Variants in ASIC2 observed in about 807,000 individuals in gnomAD.
ASIC2 encodes acid sensing ion channel subunit 2, also known as acid-sensing ion channel 2.
In ASIC2, 25 loss-of-function variants were observed where a neutral mutation model predicts 57.3. The ratio of observed to expected loss-of-function variants is 0.44; its 90% CI spans 0.32 to 0.61. The LOEUF (loss-of-function observed/expected upper bound fraction) is 0.61. ASIC2 is among the 20% of genes least tolerant of loss of function. The probability of loss-of-function intolerance (pLI) is 0.06; values close to 1 mark genes in which losing one functional copy is unlikely to be tolerated. For synonymous variants in ASIC2, 319 were observed against 307.5 expected, an observed-to-expected ratio of 1.04 and a Z score of -0.39; for missense variants, 641 against 738.1, an observed-to-expected ratio of 0.87 and a Z score of 1.52.
intron 1 of ASIC2, among the ~76,000 whole-genome samples, chr17:33,877,671 CACCTCTGGGGGCAGGGCACAGCCAA>C (rs1388361832): frequency 6.6e-6 from 1 of 152,226 alleles, no homozygotes; most frequent in Non-Finnish European, 1.5e-5. Context: ...CTGTAGACTC[CACCTCTGGGGGCAGGGCACAGCCAA>C]ACAAAAGGCA....
intron 1 of ASIC2, among the ~76,000 whole-genome samples, chr17:33,703,150 G>C (rs1908755399): frequency 6.6e-6 from 1 of 152,134 alleles, no homozygotes; most frequent in Non-Finnish European, 1.5e-5. Context: ...CCTTTGGTTT[G>C]TTTGAAGAAT....
intron 1 of ASIC2, among the ~76,000 whole-genome samples, chr17:33,937,425 CT>C (rs111454004): frequency 0.17 from 25,134 of 147,484 alleles, 2,216 homozygotes; most frequent in East Asian, 0.28. Flanking sequence ...AATCAGAGCT[CT>C]TTTTTTTTTT....
At chr17:33,673,217 C>A (rs988921978) in intron 1 of ASIC2, among the ~76,000 whole-genome samples, 5 of 152,014 alleles carry the variant, frequency 3.3e-5, no homozygotes, top group African/African-American at 1.2e-4. Flanking sequence ...TGACAACAGG[C>A]CTCAGGGAAG....
chr17:33,895,863 G>T (rs1049737492), intron 1 of ASIC2, among the ~76,000 whole-genome samples: 3 of 152,132 alleles, frequency 2.0e-5, no homozygotes, highest in African/African-American at 7.2e-5. Context: ...CATAAAACCA[G>T]AATTCAAATC....
chr17:33,142,202 A>G (rs1597600234), intron 1 of ASIC2, among the ~76,000 whole-genome samples: 1 of 152,182 alleles, frequency 6.6e-6, no homozygotes, highest in Non-Finnish European at 1.5e-5. Flanking sequence ...TTATCTTGGG[A>G]ATGGGGAAGG....
intron 1 of ASIC2, among the ~76,000 whole-genome samples, chr17:33,551,174 CT>C (rs1478386468): frequency 3.9e-5 from 6 of 152,142 alleles, no homozygotes; most frequent in Non-Finnish European, 1.5e-5. Context: ...GGTCGGATGT[CT>C]TTTCGGTGCT....
At chr17:33,408,993 C>G (rs561345473) in intron 1 of ASIC2, among the ~76,000 whole-genome samples, 3 of 152,084 alleles carry the variant, frequency 2.0e-5, no homozygotes, top group African/African-American at 7.2e-5. Context: ...GTGGGTGGAT[C>G]GTTTGAGCTC....
intron 1 of ASIC2, among the ~76,000 whole-genome samples, chr17:33,461,501 T>C (rs1912634613): frequency 6.6e-6 from 1 of 152,148 alleles, no homozygotes; most frequent in Non-Finnish European, 1.5e-5. Context: ...CTACTTGCTG[T>C]GTGATATGGT....
At chr17:33,872,951 G>T (rs1379672775) in intron 1 of ASIC2, among the ~76,000 whole-genome samples, 12 of 152,186 alleles carry the variant, frequency 7.9e-5, no homozygotes, top group African/African-American at 1.4e-4. Flanking sequence ...CAAGGGGAAA[G>T]GTGGGGACTG....
intron 1 of ASIC2, chr17:33,792,598 C>G (rs1433956705): frequency 6.6e-6 from 1 of 152,194 alleles, no homozygotes; most frequent in African/African-American, 2.4e-5. Flanking sequence ...ACTGTCACAA[C>G]TGGTGTTCTG....
At chr17:33,966,803 C>T (rs555378643) in intron 1 of ASIC2, among the ~76,000 whole-genome samples, 157 of 152,284 alleles carry the variant, frequency 1.0e-3, no homozygotes, top group Non-Finnish European at 1.3e-3. Flanking sequence ...AGTTGATTTC[C>T]GGCTCTGTTT....
At chr17:33,825,584 C>T (rs1912880608) in intron 1 of ASIC2, among the ~76,000 whole-genome samples, 1 of 152,226 alleles carries the variant, frequency 6.6e-6, no homozygotes, top group Admixed American at 6.5e-5. Context: ...AGAACTACCT[C>T]CTCTGAGGAT....
upstream of ASIC2, among the ~76,000 whole-genome samples, chr17:33,296,657 C>G (rs1328699136): frequency 6.6e-6 from 1 of 152,182 alleles, no homozygotes. Flanking sequence ...TGCCCTCATT[C>G]TGGGGTATAA....
chr17:33,886,756 A>T (rs1335915818), intron 1 of ASIC2, among the ~76,000 whole-genome samples: 1 of 152,066 alleles, frequency 6.6e-6, no homozygotes, highest in Non-Finnish European at 1.5e-5. Flanking sequence ...AAAATGGAGT[A>T]AATCCTTAGT....
In ASIC2 at chr17:33,292,257, C is replaced by T. The variant is rs1905514545; in HGVS notation, c.-142G>A. On this transcript the variant is annotated 5_prime_UTR_variant, in exon 1 of 10. Coordinates refer to ENST00000225823, the MANE Select transcript of ASIC2 (RefSeq NM_183377.2). Reference sequence around the variant, plus strand: ...GGAAGCGTGCGCCCGAAAGGAGCTCCGGTGGCGCGGCATGCCCGCCCGGCG... The same window carrying T: ...GGAAGCGTGCGCCCGAAAGGAGCTCTGGTGGCGCGGCATGCCCGCCCGGCG... The T allele has an allele frequency of 1.2e-5, 12 of 989,408 alleles. No individual in the cohort carries two copies. The South Asian group carries it at 4.3e-4, about 35-fold the overall frequency. The allele number at this position is 989,408 out of a possible 1,614,324, so 61.3% of individuals were successfully genotyped here.
intron 1 of ASIC2, among the ~76,000 whole-genome samples, chr17:33,762,424 C>T (rs180764085): frequency 1.2e-4 from 18 of 152,216 alleles, no homozygotes; most frequent in Non-Finnish European, 4.4e-5. Flanking sequence ...TGGTGTGCAG[C>T]AACTCACTTT....
chr17:34,100,707 C>T (rs1271562569), intron 1 of ASIC2, among the ~76,000 whole-genome samples: 1 of 152,192 alleles, frequency 6.6e-6, no homozygotes, highest in Non-Finnish European at 1.5e-5. Context: ...CCCTGGTTGT[C>T]TCCTCCTACT....
intron 1 of ASIC2, among the ~76,000 whole-genome samples, chr17:33,286,160 C>T (rs1404785600): frequency 6.6e-6 from 1 of 152,246 alleles, no homozygotes; most frequent in Admixed American, 6.5e-5. Flanking sequence ...TGATTTCTTG[C>T]TTTCTGTCCT....
intron 1 of ASIC2, chr17:34,038,643 C>T: frequency 6.3e-7 from 1 of 1,590,032 alleles, no homozygotes. Context: ...AGTTTTCTAA[C>T]CCTTTCTAGC....
Sources: allele counts gnomAD v4.1 joint callset (sites outside exome capture counted in the v4.1 genomes callset), GRCh38; gene constraint gnomAD v4.1.1; transcripts MANE v1.5; gene names NCBI Gene and HGNC (gene_info 2026-07-23, HGNC 2026-07-21).